LRP1B: variants seen among roughly 807,000 people sequenced by gnomAD.
The protein encoded by LRP1B is LDL receptor related protein 1B.
LRP1B carries 217 observed loss-of-function variants against 556.6 expected under a neutral mutation model. The observed-to-expected ratio is 0.39, with a 90% confidence interval of 0.35 to 0.44. The LOEUF (loss-of-function observed/expected upper bound fraction) is 0.44. Among genes scored for constraint, LRP1B ranks in the 20% least tolerant of loss-of-function variants. The pLI is 1.00. For synonymous variants in LRP1B, 2,047 were observed against 1,865.8 expected, an observed-to-expected ratio of 1.10 and a Z score of -2.50; for missense variants, 5,053 against 5,620.8, an observed-to-expected ratio of 0.90 and a Z score of 3.23.
chr2:141,166,206 C>G lies in LRP1B; in HGVS notation c.1013+22215G>C, dbSNP rs1049043790. On this transcript the variant is annotated intron_variant, in intron 7 of 90. Coordinates refer to ENST00000389484, the MANE Select transcript of LRP1B (RefSeq NM_018557.3). Reference sequence around the variant, plus strand: ...ATGTTCTTCCAGCTTCTCAGATATGCCCTCTCTTTCCTTAAGGTGACAGAC... The same window carrying G: ...ATGTTCTTCCAGCTTCTCAGATATGGCCTCTCTTTCCTTAAGGTGACAGAC... Among the ~76,000 whole-genome samples the G allele has an allele frequency of 7.9e-5, 12 of 151,910 alleles. No individual in the cohort carries two copies. The Admixed American group carries it at 7.9e-4, about 10-fold the overall frequency.
chr2:140,303,706 C>T (rs1298497969), intron 83 of LRP1B, among the ~76,000 whole-genome samples: 1 of 151,942 alleles, frequency 6.6e-6, no homozygotes, highest in Non-Finnish European at 1.5e-5. Context: ...GTGTGCACAA[C>T]ATGCGGGTTT....
chr2:141,012,701 G>A lies in LRP1B; in HGVS notation c.2380+855C>T, dbSNP rs577473207. On this transcript the variant is annotated intron_variant, in intron 14 of 90. Transcript: ENST00000389484. ...GGAAAAAACTGAAGCTTTTGAATGA[G>A]ATAGTTTGCTTTAGGATCGTTGTTT... Among the ~76,000 whole-genome samples, 3 of 152,080 alleles carry A rather than the reference G, an allele frequency of 2.0e-5. No homozygotes were observed. The East Asian group carries it at 5.8e-4, about 30-fold the overall frequency.
chr2:141,771,066 C>A (rs950003837), intron 2 of LRP1B, among the ~76,000 whole-genome samples: 6 of 152,062 alleles, frequency 3.9e-5, no homozygotes, highest in African/African-American at 1.4e-4. Flanking sequence ...TTGTTATCCC[C>A]TCAAAAGACC....
At chr2:140,672,631 A>G (rs12616627) in intron 41 of LRP1B, among the ~76,000 whole-genome samples, 9,623 of 151,882 alleles carry the variant, frequency 0.063, 542 homozygotes, top group East Asian at 0.18. Flanking sequence ...CCTCTGAATT[A>G]TTCTTCCTTT....
intron 6 of LRP1B, among the ~76,000 whole-genome samples, chr2:141,204,945 A>G (rs1262795352): frequency 6.6e-6 from 1 of 152,064 alleles, no homozygotes; most frequent in East Asian, 1.9e-4. Flanking sequence ...TCAGATAAAA[A>G]AAAAGGAAAA....
intron 1 of LRP1B, among the ~76,000 whole-genome samples, chr2:142,085,960 C>T (rs1456760763): frequency 2.0e-5 from 3 of 152,200 alleles, no homozygotes; most frequent in Non-Finnish European, 4.4e-5. Flanking sequence ...GTATCCTGCT[C>T]ATTCTCCCTT....
chr2:142,075,683 A>C (rs1705471140), intron 1 of LRP1B, among the ~76,000 whole-genome samples: 1 of 152,028 alleles, frequency 6.6e-6, no homozygotes, highest in Non-Finnish European at 1.5e-5. Flanking sequence ...GAAAGTGTTA[A>C]ACTCCTGTGC....
At chr2:141,928,333 G>A (rs1323786124) in intron 1 of LRP1B, among the ~76,000 whole-genome samples, 2 of 152,102 alleles carry the variant, frequency 1.3e-5, no homozygotes, top group Non-Finnish European at 1.5e-5. Context: ...TACATTGTAT[G>A]CACAGAAGTA....
intron 2 of LRP1B, among the ~76,000 whole-genome samples, chr2:141,774,303 C>T (rs945117200): frequency 4.6e-5 from 7 of 152,102 alleles, no homozygotes; most frequent in African/African-American, 1.7e-4. Context: ...GTGGTGTTGG[C>T]ATCTACTTCT....
chr2:141,166,910 C>A (rs953342096), intron 7 of LRP1B, among the ~76,000 whole-genome samples: 10 of 151,798 alleles, frequency 6.6e-5, no homozygotes, highest in Admixed American at 6.6e-4. Context: ...TACATTTTTT[C>A]TAACAGTGCA....
chr2:140,907,405 G>A (rs538720935), intron 22 of LRP1B, among the ~76,000 whole-genome samples: 2 of 152,000 alleles, frequency 1.3e-5, no homozygotes. Context: ...GGAAAATTAT[G>A]TTAAATTGGG....
intron 41 of LRP1B, among the ~76,000 whole-genome samples, chr2:140,610,717 C>T (rs1017939832): frequency 1.1e-4 from 17 of 152,206 alleles, no homozygotes; most frequent in Non-Finnish European, 2.5e-4. Flanking sequence ...TCCTGAGTAG[C>T]TGGGACTACA....
At chr2:141,591,848 T>C (rs2105295806) in intron 2 of LRP1B, among the ~76,000 whole-genome samples, 1 of 150,214 alleles carries the variant, frequency 6.7e-6, no homozygotes, top group Admixed American at 6.6e-5. Flanking sequence ...CAGCTGTTAT[T>C]TAGCCAGCTC....
intron 3 of LRP1B, among the ~76,000 whole-genome samples, chr2:141,355,191 C>T (rs1333027588): frequency 6.6e-6 from 1 of 152,066 alleles, no homozygotes; most frequent in Non-Finnish European, 1.5e-5. Context: ...TTGTCATCAT[C>T]TGTCTACTAA....
At chr2:141,508,942 T>A (rs781704062) in intron 2 of LRP1B, among the ~76,000 whole-genome samples, 33 of 152,044 alleles carry the variant, frequency 2.2e-4, no homozygotes, top group Admixed American at 1.8e-3. Flanking sequence ...GGAATCAACT[T>A]CCCCCTGAGA....
chr2:140,567,503 C>T (rs548578359), intron 43 of LRP1B, among the ~76,000 whole-genome samples: 3 of 152,304 alleles, frequency 2.0e-5, no homozygotes, highest in Admixed American at 6.5e-5. Flanking sequence ...ATCACAGCTA[C>T]ATCCTGACCC....
chr2:140,577,931 A>G (rs59559230), intron 43 of LRP1B, among the ~76,000 whole-genome samples: 64,051 of 151,976 alleles, frequency 0.42, 13,848 homozygotes, highest in Middle Eastern at 0.55. Context: ...TTTAAAGATG[A>G]GTTTTTAACC....
At chr2:141,110,689 C>T (rs9287312) in intron 7 of LRP1B, among the ~76,000 whole-genome samples, 54,616 of 151,320 alleles carry the variant, frequency 0.36, 10,337 homozygotes, top group East Asian at 0.66. Flanking sequence ...TGTTCATGGC[C>T]CTAAAACTAC....
At chr2:141,215,611 G>A (rs1350823469) in intron 6 of LRP1B, among the ~76,000 whole-genome samples, 1 of 152,190 alleles carries the variant, frequency 6.6e-6, no homozygotes, top group Non-Finnish European at 1.5e-5. Context: ...GGAGGTCTCA[G>A]ATTTAAATGA....
Sources: gnomAD v4.1 joint callset for allele counts (sites outside exome capture counted in the v4.1 genomes callset) on GRCh38, gnomAD v4.1.1 for gene constraint, MANE v1.5 for transcripts, NCBI Gene and HGNC (gene_info 2026-07-23, HGNC 2026-07-21) for gene names.